Variants in PTER observed in about 807,000 individuals in gnomAD.
The protein encoded by PTER is N-acetyltaurine hydrolase.
A neutral mutation model predicts 29.6 loss-of-function variants in PTER; 38 were observed. That is an observed-to-expected ratio of 1.28 (90% CI 0.99 to 1.68). PTER has a LOEUF of 1.68. Among genes scored for constraint, PTER ranks in the 40% most tolerant of loss-of-function variants. PTER has a pLI of 0.00. For missense variants in PTER, 482 were observed against 427.8 expected (o/e 1.13, Z -1.12); for synonymous variants, 172 against 154.5 (o/e 1.11, Z -0.84).
chr10:16,469,495 C>T (rs536401469), intron 1 of PTER, among the ~76,000 whole-genome samples: 1 of 147,212 alleles, frequency 6.8e-6, no homozygotes, highest in East Asian at 2.0e-4. Flanking sequence ...AAGATCGTGA[C>T]TGTGAGAATG....
intron 1 of PTER, among the ~76,000 whole-genome samples, chr10:16,483,418 G>A: frequency 6.6e-6 from 1 of 152,176 alleles, no homozygotes; most frequent in East Asian, 1.9e-4. Flanking sequence ...CTCCTCAGTT[G>A]TTTTGGGGAG....
intron 1 of PTER, among the ~76,000 whole-genome samples, chr10:16,460,128 T>G (rs1588593659): frequency 6.6e-6 from 1 of 152,136 alleles, no homozygotes; most frequent in African/African-American, 2.4e-5. Context: ...TTTTTCTAAT[T>G]AGGAAAAGGA....
chr10:16,465,967 C>G (rs1258181944), intron 1 of PTER, among the ~76,000 whole-genome samples: 1 of 152,166 alleles, frequency 6.6e-6, no homozygotes, highest in Admixed American at 6.5e-5. Context: ...TGTCGCCATG[C>G]TCTAATCACC....
rs6602129 is a variant in PTER at position 16,513,333 on chromosome 10, A to G, written c.*2077A>G. The G allele has an allele frequency of 0.13, 19,924 of 152,500 alleles. 1,624 individuals carry two copies. The highest frequency in any genetic ancestry group is 0.23 in the East Asian group (1,202 of 5,178). 9.4% of individuals were successfully genotyped at this position (152,500 alleles called of 1,614,324 possible). On this transcript the variant is annotated 3_prime_UTR_variant, in exon 5 of 5. Coordinates refer to ENST00000535784, the MANE Select transcript of PTER (RefSeq NM_001261836.2). Reference sequence around the variant, plus strand: ...CATGTTTGTGTGTGTATATATGCATACACTTTTTTATATTAAAATTTTGAG... The same window carrying G: ...CATGTTTGTGTGTGTATATATGCATGCACTTTTTTATATTAAAATTTTGAG...
downstream of PTER, among the ~76,000 whole-genome samples, chr10:16,515,133 A>C (rs1285540111): frequency 6.6e-6 from 1 of 152,086 alleles, no homozygotes; most frequent in Admixed American, 6.5e-5. Context: ...TTCAAGTCTA[A>C]GTTCAGCTGT....
At chr10:16,473,608 A>G (rs1243592201) in intron 1 of PTER, among the ~76,000 whole-genome samples, 2 of 147,812 alleles carry the variant, frequency 1.4e-5, no homozygotes, top group African/African-American at 2.5e-5. Context: ...CCTGCCTTGC[A>G]TCTCCGCATC....
At chr10:16,500,228 CT>C (rs72171974) in intron 3 of PTER, among the ~76,000 whole-genome samples, 70,165 of 146,634 alleles carry the variant, frequency 0.48, 16,799 homozygotes, top group East Asian at 0.68. Flanking sequence ...ATAGGGATTA[CT>C]TTTTTTTTTT....
rs1836868457 is a variant in PTER at position 16,512,956 on chromosome 10, T to C, written c.*1700T>C. On this transcript the variant is annotated 3_prime_UTR_variant, in exon 5 of 5. Transcript: ENST00000535784. ...GTTCTAACCAGAAAGAAAGGATTTG[T>C]ATTACTCTCCAAATCTACTGTACTG... 6.6e-6 allele frequency: 1 copy of C among 152,510 alleles called. No homozygotes were observed. Among genetic ancestry groups the C allele is most frequent in the Non-Finnish European group, 1.5e-5 (1 of 67,970 alleles). 9.4% of individuals were successfully genotyped at this position (152,510 alleles called of 1,614,324 possible).
rs76058823 is a variant in PTER at position 16,491,270 on chromosome 10, A to G, written c.698+4653A>G. Among the ~76,000 whole-genome samples the G allele has an allele frequency of 2.7e-3, 408 of 152,336 alleles. 1 individual carries two copies. Among genetic ancestry groups the G allele is most frequent in the African/African-American group, 9.5e-3 (393 of 41,574 alleles). ...ATTTCAGAAGGGAGGCAGCTAGGGA[A>G]CATGGCTTTAGAAAAAGCAGTGCAT... On this transcript the variant is annotated intron_variant, in intron 3 of 4. Transcript: ENST00000535784.
At chr10:16,454,867 TAATC>T (rs1388922538) in intron 1 of PTER, among the ~76,000 whole-genome samples, 1 of 152,072 alleles carries the variant, frequency 6.6e-6, no homozygotes, top group Non-Finnish European at 1.5e-5. Context: ...TAAAAGCTGA[TAATC>T]AAATGTAATA....
intron 1 of PTER, among the ~76,000 whole-genome samples, chr10:16,465,206 TGA>T (rs765100117): frequency 6.6e-6 from 1 of 152,062 alleles, no homozygotes; most frequent in Non-Finnish European, 1.5e-5. Flanking sequence ...AAGTATCCTA[TGA>T]ATATATAAAA....
intron 3 of PTER, among the ~76,000 whole-genome samples, chr10:16,494,923 G>T (rs1336966311): frequency 6.6e-6 from 1 of 151,818 alleles, no homozygotes; most frequent in South Asian, 2.1e-4. Flanking sequence ...TATCAAATTA[G>T]AGTATAGTAA....
chr10:16,495,687 T>C (rs1167988148), intron 3 of PTER, among the ~76,000 whole-genome samples: 2 of 152,186 alleles, frequency 1.3e-5, no homozygotes, highest in Non-Finnish European at 2.9e-5. Context: ...ATGAGCCACA[T>C]AGAGCTGCCC....
intron 1 of PTER, among the ~76,000 whole-genome samples, chr10:16,448,698 T>C (rs1396973469): frequency 2.0e-5 from 3 of 152,202 alleles, no homozygotes; most frequent in African/African-American, 7.2e-5. Context: ...ATCAATGTAA[T>C]GGACCAGTGT....
chr10:16,503,864 G>A (rs750906518), intron 3 of PTER, among the ~76,000 whole-genome samples: 20 of 152,180 alleles, frequency 1.3e-4, no homozygotes, highest in Non-Finnish European at 2.6e-4. Context: ...ACATCGTGGA[G>A]TTGCCAAAGT....
intron 1 of PTER, among the ~76,000 whole-genome samples, chr10:16,480,220 C>T (rs1448864246): frequency 2.1e-5 from 3 of 144,956 alleles, no homozygotes; most frequent in South Asian, 2.2e-4. Flanking sequence ...GATAGAGTCT[C>T]GCTCTGTTGT....
In PTER at chr10:16,511,186, G is replaced by T. The variant is rs1416308990; in HGVS notation, c.980G>T (p.Arg327Ile). The T allele has an allele frequency of 6.2e-7, 1 of 1,614,142 alleles. No individual in the cohort carries two copies. The highest frequency in any genetic ancestry group is 2.2e-5 in the East Asian group (1 of 44,878). Reference sequence around the variant, plus strand: ...AATGTTGTTCCTAAAATGTTGCTGAGAGGCATAACTGAGAATGTGCTTGAT... The same window carrying T: ...AATGTTGTTCCTAAAATGTTGCTGATAGGCATAACTGAGAATGTGCTTGAT... The part of the protein sequence containing the change: ...LTNVVPKMLL[R>I]GITENVLDKI... The change falls in exon 5 of 5, where the codon AGA (arginine) becomes ATA (isoleucine). Residue 327 changes from arginine (R) to isoleucine (I), a missense_variant. By Grantham distance (97) the Arg-to-Ile change is moderately conservative. Coordinates refer to ENST00000535784, the MANE Select transcript of PTER (RefSeq NM_001261836.2).
At chr10:16,440,039 T>C (rs1277690477) in intron 1 of PTER, among the ~76,000 whole-genome samples, 1 of 151,832 alleles carries the variant, frequency 6.6e-6, no homozygotes, top group Non-Finnish European at 1.5e-5. Context: ...TCTAGTGTAT[T>C]TTCAGTGGTC....
chr10:16,472,227 T>A (rs1835079628), intron 1 of PTER, among the ~76,000 whole-genome samples: 1 of 152,236 alleles, frequency 6.6e-6, no homozygotes, highest in South Asian at 2.1e-4. Flanking sequence ...ATTGCTAGTA[T>A]AAGTTCCTTA....
Sources: allele counts gnomAD v4.1 joint callset (sites outside exome capture counted in the v4.1 genomes callset), GRCh38; gene constraint gnomAD v4.1.1; transcripts MANE v1.5; gene names NCBI Gene and HGNC (gene_info 2026-07-23, HGNC 2026-07-21).